The following SPATA31H1 variants were observed in gnomAD, a reference collection of about 807,000 sequenced individuals.
The protein encoded by SPATA31H1 is SPATA31 subfamily H member 1.
At chr2:27,538,605 G>T in the SPATA31H1 span, among the ~76,000 whole-genome samples, 1 of 152,062 alleles carries the variant, frequency 6.6e-6, no homozygotes, top group Non-Finnish European at 1.5e-5. Context: ...GCAGAGGTGG[G>T]CAGATCACTT....
the SPATA31H1 span, chr2:27,577,152 G>C: frequency 6.2e-7 from 1 of 1,614,062 alleles, no homozygotes; most frequent in Non-Finnish European, 8.5e-7. The surrounding 1 kb of genome is among the most constrained non-coding windows in gnomAD (Gnocchi z 4.5). Flanking sequence ...GGAATCCTTA[G>C]GGATGCTGCT....
chr2:27,580,069 T>C, the SPATA31H1 span: 1 of 1,614,192 alleles, frequency 6.2e-7, no homozygotes, highest in Non-Finnish European at 8.5e-7. Context: ...CGGTTGCATC[T>C]TGGCTTTAGG....
chr2:27,579,985 C>A, the SPATA31H1 span: 6 of 1,614,158 alleles, frequency 3.7e-6, no homozygotes, highest in Non-Finnish European at 5.1e-6. Context: ...AAATTACAGA[C>A]CACTTCGGGG....
chr2:27,579,125 G>C, the SPATA31H1 span: 1 of 1,614,010 alleles, frequency 6.2e-7, no homozygotes, highest in African/African-American at 1.3e-5. Context: ...CACGATCTAG[G>C]ACATTCCAGG....
the SPATA31H1 span, among the ~76,000 whole-genome samples, chr2:27,563,278 C>T: frequency 2.0e-5 from 3 of 151,136 alleles, no homozygotes; most frequent in Admixed American, 2.0e-4. Context: ...TCTTTTTGGC[C>T]AGTTTTGGTA....
At chr2:27,581,358 A>C in the SPATA31H1 span, 4 of 1,613,614 alleles carry the variant, frequency 2.5e-6, no homozygotes, top group South Asian at 4.4e-5. Flanking sequence ...TCCCTCTAGG[A>C]AAAACCATTC....
chr2:27,571,345 T>C, the SPATA31H1 span: 1 of 398,334 alleles, frequency 2.5e-6, no homozygotes, highest in Non-Finnish European at 4.4e-6. Flanking sequence ...ATAAAATCTA[T>C]GGAGATAACC....
chr2:27,575,881 C>T, the SPATA31H1 span: 3 of 398,534 alleles, frequency 7.5e-6, no homozygotes, highest in East Asian at 1.1e-4. This position sits in a 1 kb window ranked among gnomAD's most constrained non-coding sequence, Gnocchi z 4.1. Context: ...ATGAAATCGC[C>T]TGAATTAACT....
the SPATA31H1 span, chr2:27,578,094 A>G: frequency 6.2e-7 from 1 of 1,614,156 alleles, no homozygotes; most frequent in Non-Finnish European, 8.5e-7. Flanking sequence ...AGATGTCCCA[A>G]AAGTTGTTCA....
chr2:27,580,587 AG>A, the SPATA31H1 span: 1 of 1,614,234 alleles, frequency 6.2e-7, no homozygotes, highest in Non-Finnish European at 8.5e-7. Flanking sequence ...CTCTTTAAAA[AG>A]ACAACCTAAG....
At chr2:27,570,434 T>A in the SPATA31H1 span, 1 of 398,830 alleles carries the variant, frequency 2.5e-6, no homozygotes, top group Non-Finnish European at 4.4e-6. Flanking sequence ...GTGTCAATTC[T>A]GCGGATCAAA....
At chr2:27,571,800 G>A in the SPATA31H1 span, 1 of 398,482 alleles carries the variant, frequency 2.5e-6, no homozygotes, top group African/African-American at 2.1e-5. Context: ...TGTAAAACCT[G>A]TAAAGTTGAC....
the SPATA31H1 span, chr2:27,575,516 C>T: frequency 5.0e-6 from 2 of 398,390 alleles, no homozygotes; most frequent in Admixed American, 4.4e-5. This position sits in a 1 kb window ranked among gnomAD's most constrained non-coding sequence, Gnocchi z 4.1. Context: ...CTTTAGATTT[C>T]AACCCTGGAC....
the SPATA31H1 span, among the ~76,000 whole-genome samples, chr2:27,550,464 G>A: frequency 6.9e-6 from 1 of 145,944 alleles, no homozygotes; most frequent in Non-Finnish European, 1.5e-5. Flanking sequence ...TATTGCCCGG[G>A]CTGGAGTGCA....
chr2:27,568,582 G>C, the SPATA31H1 span: 2 of 398,838 alleles, frequency 5.0e-6, no homozygotes, highest in Non-Finnish European at 8.8e-6. Context: ...CAGTTGCAAG[G>C]TAGGAGATCT....
the SPATA31H1 span, among the ~76,000 whole-genome samples, chr2:27,542,301 G>T: frequency 6.6e-6 from 1 of 151,830 alleles, no homozygotes; most frequent in African/African-American, 2.4e-5. Context: ...GGAGGCTGAG[G>T]CAGGAGAATC....
At chr2:27,582,371 A>G in the SPATA31H1 span, 2 of 1,614,186 alleles carry the variant, frequency 1.2e-6, no homozygotes, top group Non-Finnish European at 1.7e-6. Context: ...AGAGGAGCCG[A>G]CGCAGTCCCC....
the SPATA31H1 span, among the ~76,000 whole-genome samples, chr2:27,553,844 C>T: frequency 6.6e-6 from 1 of 151,960 alleles, no homozygotes; most frequent in Non-Finnish European, 1.5e-5. Context: ...ATTGCTTGAA[C>T]CCGGGAGGCG....
At chr2:27,582,124 A>G in the SPATA31H1 span, 1 of 1,612,778 alleles carries the variant, frequency 6.2e-7, no homozygotes, top group Non-Finnish European at 8.5e-7. Flanking sequence ...CCCTCAGAGA[A>G]GAGCCACCTC....
Sources: gnomAD v4.1 joint callset for allele counts (sites outside exome capture counted in the v4.1 genomes callset) on GRCh38, gnomAD v4.1.1 for gene constraint, Gnocchi (gnomAD v3.1) non-coding constraint, MANE v1.5 for transcripts, NCBI Gene and HGNC (gene_info 2026-07-23, HGNC 2026-07-21) for gene names.